Variants in LRFN2 observed in about 807,000 individuals in gnomAD.
The protein encoded by LRFN2 is leucine rich repeat and fibronectin type III domain containing 2, also known as leucine-rich repeat and fibronectin type-III domain-containing protein 2.
Under a neutral mutation model 37.3 loss-of-function variants are expected in LRFN2, and 18 were observed. The ratio of observed to expected loss-of-function variants is 0.48; its 90% CI spans 0.33 to 0.72. The LOEUF is 0.72. LRFN2 is among the 30% of genes least tolerant of loss of function. LRFN2 has a pLI of 0.02. For synonymous variants in LRFN2, 556 were observed against 466.6 expected (o/e 1.19, Z -2.47); for missense variants, 1,006 against 1,060.7 (o/e 0.95, Z 0.72).
intron 1 of LRFN2, among the ~76,000 whole-genome samples, chr6:40,501,162 G>T (rs1232729040): frequency 6.6e-6 from 1 of 150,676 alleles, no homozygotes; most frequent in African/African-American, 2.4e-5. Flanking sequence ...ATATCTATCT[G>T]TCTAAAATAA....
chr6:40,583,180 T>C (rs1767436011), intron 1 of LRFN2, among the ~76,000 whole-genome samples: 1 of 81,044 alleles, frequency 1.2e-5, no homozygotes, highest in Non-Finnish European at 2.6e-5. Flanking sequence ...GATATACATA[T>C]GTATATAGTG....
intron 2 of LRFN2, among the ~76,000 whole-genome samples, chr6:40,427,519 C>A (rs556820762): frequency 6.6e-6 from 1 of 152,220 alleles, no homozygotes. Context: ...CACCTGCCCT[C>A]ATGAATGGCA....
At chr6:40,483,750 C>T (rs573661341) in intron 1 of LRFN2, among the ~76,000 whole-genome samples, 14 of 152,276 alleles carry the variant, frequency 9.2e-5, no homozygotes, top group South Asian at 2.1e-4. Context: ...AGCTTCCAGA[C>T]GGAAGCAGGT....
chr6:40,457,355 G>A (rs1312080677), intron 1 of LRFN2, among the ~76,000 whole-genome samples: 1 of 151,760 alleles, frequency 6.6e-6, no homozygotes, highest in Non-Finnish European at 1.5e-5. Flanking sequence ...GGGAGAAAAA[G>A]GGATTAACCT....
intron 1 of LRFN2, among the ~76,000 whole-genome samples, chr6:40,435,225 A>G (rs2113828869): frequency 6.7e-6 from 1 of 149,962 alleles, no homozygotes; most frequent in Admixed American, 6.6e-5. Context: ...CAGTGGCACA[A>G]TCATAATTCA....
At chr6:40,531,174 G>T (rs1766334822) in intron 1 of LRFN2, among the ~76,000 whole-genome samples, 1 of 152,118 alleles carries the variant, frequency 6.6e-6, no homozygotes, top group African/African-American at 2.4e-5. Flanking sequence ...ACCACAGATA[G>T]GCCATCTGAT....
rs141885173 is a variant in LRFN2 at position 40,562,113 on chromosome 6, G to A, written c.-19+24828C>T. 9.8e-5 allele frequency among the ~76,000 whole-genome samples: 15 copies of A among 152,338 alleles called. No homozygotes were observed. The East Asian group carries it at 2.9e-3, about 29-fold the overall frequency. ...ACTTGGGCGTATGGAAAGTGATAGAGAAGGATCATTTAAAAATCAACACAT... is the reference window on the plus strand; with the variant it reads ...ACTTGGGCGTATGGAAAGTGATAGAAAAGGATCATTTAAAAATCAACACAT... On this transcript the variant is annotated intron_variant, in intron 1 of 2. Transcript: ENST00000338305.
intron 2 of LRFN2, among the ~76,000 whole-genome samples, chr6:40,419,294 G>A (rs998866046): frequency 2.5e-4 from 38 of 152,152 alleles, no homozygotes; most frequent in African/African-American, 7.7e-4. Flanking sequence ...TGTGGCTAGC[G>A]GGATTTTGCA....
intron 2 of LRFN2, among the ~76,000 whole-genome samples, chr6:40,431,011 T>A (rs1763465076): frequency 6.6e-6 from 1 of 152,052 alleles, no homozygotes; most frequent in Non-Finnish European, 1.5e-5. Context: ...AGAATACAGA[T>A]TTGTAGGGGA....
intron 1 of LRFN2, among the ~76,000 whole-genome samples, chr6:40,575,415 A>G (rs1303532256): frequency 6.6e-6 from 1 of 152,130 alleles, no homozygotes; most frequent in Non-Finnish European, 1.5e-5. Flanking sequence ...TTCCATGGAC[A>G]CAGGAAAGAA....
At chr6:40,579,280 C>T (rs1007319721) in intron 1 of LRFN2, among the ~76,000 whole-genome samples, 3 of 152,170 alleles carry the variant, frequency 2.0e-5, no homozygotes, top group African/African-American at 4.8e-5. Context: ...CCTCAGCTCC[C>T]CTTCTTCCCA....
intron 1 of LRFN2, among the ~76,000 whole-genome samples, chr6:40,496,094 G>A (rs1312012278): frequency 1.3e-5 from 2 of 152,080 alleles, no homozygotes; most frequent in Non-Finnish European, 2.9e-5. Context: ...AAGCTTAAGA[G>A]ACATTCTTGA....
chr6:40,419,435 C>A (rs567138852), intron 2 of LRFN2, among the ~76,000 whole-genome samples: 1 of 152,184 alleles, frequency 6.6e-6, no homozygotes, highest in Non-Finnish European at 1.5e-5. Flanking sequence ...GGATGAGATA[C>A]ACAGAGAAGA....
At chr6:40,532,847 G>A (rs1184855568) in intron 1 of LRFN2, among the ~76,000 whole-genome samples, 1 of 152,190 alleles carries the variant, frequency 6.6e-6, no homozygotes, top group East Asian at 1.9e-4. Flanking sequence ...CCAGCAGGTG[G>A]GTACTGAACA....
At chr6:40,519,719 C>T (rs958937362) in intron 1 of LRFN2, among the ~76,000 whole-genome samples, 8 of 152,214 alleles carry the variant, frequency 5.3e-5, no homozygotes, top group South Asian at 2.1e-4. Flanking sequence ...CAAGTGCTGA[C>T]GAATACAACA....
At chr6:40,513,478 C>T (rs1203066714) in intron 1 of LRFN2, among the ~76,000 whole-genome samples, 1 of 152,136 alleles carries the variant, frequency 6.6e-6, no homozygotes, top group African/African-American at 2.4e-5. Context: ...AAGTGATCCG[C>T]CCACCTCAGC....
chr6:40,402,320 T>C (rs1762755881), intron 2 of LRFN2, among the ~76,000 whole-genome samples: 1 of 152,192 alleles, frequency 6.6e-6, no homozygotes, highest in Non-Finnish European at 1.5e-5. Context: ...AGCTGGAAAG[T>C]GGCTGAGCCA....
At chr6:40,455,520 AT>A (rs1301205662) in intron 1 of LRFN2, among the ~76,000 whole-genome samples, 1 of 152,234 alleles carries the variant, frequency 6.6e-6, no homozygotes, top group African/African-American at 2.4e-5. Context: ...GTACTAGCCA[AT>A]GGAAATATCC....
chr6:40,566,023 T>C (rs1225468642), intron 1 of LRFN2, among the ~76,000 whole-genome samples: 1 of 151,788 alleles, frequency 6.6e-6, no homozygotes, highest in African/African-American at 2.4e-5. Flanking sequence ...TACAATGAAC[T>C]CAAAAAATTT....
Sources: allele counts gnomAD v4.1 joint callset (sites outside exome capture counted in the v4.1 genomes callset), GRCh38; gene constraint gnomAD v4.1.1; transcripts MANE v1.5; gene names NCBI Gene and HGNC (gene_info 2026-07-23, HGNC 2026-07-21).